JAKMIP1: variants seen among roughly 807,000 people sequenced by gnomAD.
The protein encoded by JAKMIP1 is janus kinase and microtubule interacting protein 1, also known as janus kinase and microtubule-interacting protein 1.
A neutral mutation model predicts 113.0 loss-of-function variants in JAKMIP1; 33 were observed. That is an observed-to-expected ratio of 0.29 (90% CI 0.22 to 0.39). The LOEUF is 0.39. Ranked by LOEUF, JAKMIP1 falls within the 10% of genes least tolerant of loss-of-function variation. The pLI is 1.00. For missense variants in JAKMIP1, 813 were observed against 1,080.5 expected, an observed-to-expected ratio of 0.75 and a Z score of 3.47; for synonymous variants, 480 against 459.9, an observed-to-expected ratio of 1.04 and a Z score of -0.56.
chr4:6,170,338 C>A (rs568256518), intron 1 of JAKMIP1, among the ~76,000 whole-genome samples: 4 of 149,144 alleles, frequency 2.7e-5, no homozygotes, highest in Admixed American at 2.7e-4. Flanking sequence ...CCACTCTCCC[C>A]ACCCTTCTCA....
At chr4:6,149,459 G>A (rs886969631) in intron 1 of JAKMIP1, among the ~76,000 whole-genome samples, 2 of 152,148 alleles carry the variant, frequency 1.3e-5, no homozygotes, top group Non-Finnish European at 2.9e-5. Flanking sequence ...TGGAGTCCCA[G>A]TGAAATCTAG....
In JAKMIP1 at chr4:6,069,247, GA is replaced by G. The variant is rs1305405991; in HGVS notation, c.1303-4240del. Among the ~76,000 whole-genome samples, 4 of 152,118 alleles carry G rather than the reference GA, an allele frequency of 2.6e-5. No homozygotes were observed. Among genetic ancestry groups the G allele is most frequent in the African/African-American group, 9.7e-5 (4 of 41,414 alleles). On this transcript the variant is annotated intron_variant, in intron 8 of 20. Transcript: ENST00000409021. This position sits in a 1 kb window ranked among gnomAD's most constrained non-coding sequence, Gnocchi z 4.5. ...TTTAAAAAAAATGGCAAACATGAAA[GA>G]AACTTCATTTTTTTGTGTCTCCACT... is the stretch of plus-strand genomic sequence containing the variant.
intron 3 of JAKMIP1, among the ~76,000 whole-genome samples, chr4:6,105,120 G>A (rs1261515700): frequency 6.6e-6 from 1 of 152,204 alleles, no homozygotes; most frequent in African/African-American, 2.4e-5. Flanking sequence ...CAGCCAGTTG[G>A]CCGGCCTGCC....
intron 1 of JAKMIP1, among the ~76,000 whole-genome samples, chr4:6,169,930 A>G (rs1306272043): frequency 1.3e-5 from 2 of 151,226 alleles, no homozygotes; most frequent in East Asian, 3.9e-4. Flanking sequence ...TTTTTCTACC[A>G]CCACCGATAC....
chr4:6,173,183 G>A (rs1233273643), intron 1 of JAKMIP1, among the ~76,000 whole-genome samples: 2 of 152,152 alleles, frequency 1.3e-5, no homozygotes, highest in Admixed American at 6.5e-5. Flanking sequence ...CTGGAGGGAT[G>A]GAGAGAAAGA....
In JAKMIP1 at chr4:6,121,995, C is replaced by T. The variant is rs934060494; in HGVS notation, c.-147-8998G>A. Among the ~76,000 whole-genome samples, 21 of 152,098 alleles carry T rather than the reference C, an allele frequency of 1.4e-4. No individual in the cohort carries two copies. In the East Asian group the frequency reaches 3.5e-3, roughly 25 times the overall value. ...GTGTATATATACTGCATATAATATACGCTGTATATATGTGCATTTGTAGGC... is the reference window on the plus strand; with the variant it reads ...GTGTATATATACTGCATATAATATATGCTGTATATATGTGCATTTGTAGGC... On this transcript the variant is annotated intron_variant, in intron 1 of 20. Transcript: ENST00000409021.
At chr4:6,054,641 G>A in intron 12 of JAKMIP1, 2 of 425,622 alleles carry the variant, frequency 4.7e-6, no homozygotes, top group South Asian at 3.3e-5. Flanking sequence ...AAGCCGTAAA[G>A]GCAGGAGTTC....
Position 6,153,838 on chromosome 4 carries a change from T to C in JAKMIP1, c.-147-40841A>G, listed in dbSNP as rs2108989434. 6.6e-6 allele frequency among the ~76,000 whole-genome samples: 1 copy of C among 152,194 alleles called. No individual in the cohort carries two copies. The highest frequency in any genetic ancestry group is 1.9e-4 in the East Asian group (1 of 5,200). On this transcript the variant is annotated intron_variant, in intron 1 of 20. Coordinates refer to ENST00000409021, the MANE Select transcript of JAKMIP1 (RefSeq NM_001099433.2). This position sits in a 1 kb window ranked among gnomAD's most constrained non-coding sequence, Gnocchi z 4.9. ...ACACTAAAGTATTATTAAAATAAATTATGTTTGGCTACTGTCACCTAAAAT... is the reference window on the plus strand; with the variant it reads ...ACACTAAAGTATTATTAAAATAAATCATGTTTGGCTACTGTCACCTAAAAT...
intron 16 of JAKMIP1, among the ~76,000 whole-genome samples, chr4:6,045,589 G>A (rs193036759): frequency 1.3e-5 from 2 of 152,304 alleles, no homozygotes; most frequent in East Asian, 1.9e-4. Flanking sequence ...AACTGGCTTC[G>A]AGGCTGGGTG....
chr4:6,191,340 G>A (rs567290533), intron 1 of JAKMIP1, among the ~76,000 whole-genome samples: 2 of 152,140 alleles, frequency 1.3e-5, no homozygotes, highest in African/African-American at 4.8e-5. Context: ...TGTCCCTCCT[G>A]AGGCCCTCAG....
intron 3 of JAKMIP1, among the ~76,000 whole-genome samples, chr4:6,098,162 G>A (rs904825315): frequency 3.3e-5 from 5 of 152,344 alleles, no homozygotes; most frequent in Admixed American, 3.3e-4. Flanking sequence ...CGCGTGCGGT[G>A]GCTCACGCCT....
Position 6,129,023 on chromosome 4 carries a change from T to C in JAKMIP1, c.-147-16026A>G, listed in dbSNP as rs927313289. 6.6e-6 allele frequency among the ~76,000 whole-genome samples: 1 copy of C among 152,224 alleles called. No individual in the cohort carries two copies. The highest frequency in any genetic ancestry group is 1.5e-5 in the Non-Finnish European group (1 of 68,032). ...GCTCCTTCCACACCATCAGGTTTAG[T>C]TGAATCTCCAGTACCAGGCAAGGTG... On this transcript the variant is annotated intron_variant, in intron 1 of 20. Transcript: ENST00000409021. This position sits in a 1 kb window ranked among gnomAD's most constrained non-coding sequence, Gnocchi z 5.4.
At chr4:6,085,302 G>GCGAA (rs1721135980) in intron 4 of JAKMIP1, 118 bp downstream of exon 4, 3 of 814,224 alleles carry the variant, frequency 3.7e-6, no homozygotes, top group Non-Finnish European at 5.7e-6. Flanking sequence ...CCAATACTGA[G>GCGAA]TGAATGAATG....
rs1726779504 is a variant in JAKMIP1 at position 6,187,494 on chromosome 4, A to G, written c.-148+12759T>C. ...AGCATTAGAAGGTGAGGCGTTTGGCAAGTGATTAGGTCACGAGGGCGAGCC... is the reference window on the plus strand; with the variant it reads ...AGCATTAGAAGGTGAGGCGTTTGGCGAGTGATTAGGTCACGAGGGCGAGCC... On this transcript the variant is annotated intron_variant, in intron 1 of 20. Transcript: ENST00000409021. The surrounding 1 kb of genome is among the most constrained non-coding windows in gnomAD (Gnocchi z 4.2). Among the ~76,000 whole-genome samples, 1 of 152,254 alleles carries G rather than the reference A, an allele frequency of 6.6e-6. No homozygotes were observed. The highest frequency in any genetic ancestry group is 1.5e-5 in the Non-Finnish European group (1 of 68,044).
rs1372849922 is a variant in JAKMIP1, at chr4:6,113,084, G to A, written c.-147-87C>T. 3 of 571,652 alleles carry A rather than the reference G, an allele frequency of 5.2e-6. No individual in the cohort carries two copies. The African/African-American group carries it at 5.7e-5, about 11-fold the overall frequency. The allele number at this position is 571,652 out of a possible 1,614,324, so 35.4% of individuals were successfully genotyped here. ...CTCGGGCACCCTGGGCCAGGCACCT[G>A]CCTCATCTGGAGCATGACCTGCCAC... On this transcript the variant is annotated intron_variant, in intron 1 of 20. Coordinates refer to ENST00000409021, the MANE Select transcript of JAKMIP1 (RefSeq NM_001099433.2).
rs1723960121 is a variant in JAKMIP1 at position 6,168,710 on chromosome 4, G to T, written c.-148+31543C>A. Among the ~76,000 whole-genome samples the T allele has an allele frequency of 6.6e-6, 1 of 151,656 alleles. No homozygotes were observed. The highest frequency in any genetic ancestry group is 1.5e-5 in the Non-Finnish European group (1 of 67,936). ...GTCCAAGACCAGCTTGGACAGGATG[G>T]CAAATCCATGTCTCTACAAAAAAAA... is the stretch of plus-strand genomic sequence containing the variant. On this transcript the variant is annotated intron_variant, in intron 1 of 20. Transcript: ENST00000409021. The surrounding 1 kb of genome is among the most constrained non-coding windows in gnomAD (Gnocchi z 4.6).
chr4:6,081,697 C>A lies in JAKMIP1; in HGVS notation c.1013G>T (p.Arg338Leu), dbSNP rs756138238. 3 of 1,614,044 alleles carry A rather than the reference C, an allele frequency of 1.9e-6. No individual in the cohort carries two copies. Among genetic ancestry groups the A allele is most frequent in the Admixed American group, 3.3e-5 (2 of 60,006 alleles). Residue 338 changes from arginine to leucine, a missense_variant, in exon 6 of 21, where the codon CGG (arginine) becomes CTG (leucine). This residue lies in a region of JAKMIP1 where 540 missense variants were observed against 653.9 expected (regional missense o/e 0.83). Transcript: ENST00000409021. The surrounding 1 kb of genome is among the most constrained non-coding windows in gnomAD (Gnocchi z 4.6). ...QLKPLVEKNKRMNKKNEDLLQ... is the reference protein window; with the variant it reads ...QLKPLVEKNKLMNKKNEDLLQ... ...CAGATCCTCATTCTTCTTGTTCATCCGCTTGTTCTTCTCCACCAGGGGCTT... is the reference window on the plus strand; with the variant it reads ...CAGATCCTCATTCTTCTTGTTCATCAGCTTGTTCTTCTCCACCAGGGGCTT...
intron 1 of JAKMIP1, among the ~76,000 whole-genome samples, chr4:6,174,837 C>T (rs1237995610): frequency 1.3e-5 from 2 of 151,954 alleles, no homozygotes; most frequent in Non-Finnish European, 2.9e-5. Context: ...TTCTGTCGCC[C>T]CAACTGTTTT....
At position 6,155,597 on chromosome 4, in the gene JAKMIP1, G is replaced by C. The variant is rs1170961107; in HGVS notation, c.-147-42600C>G. ...ACCTGATTTCCCCTAAAGAACTCAC[G>C]GAGGATTTACGCGCATATTCAGCTG... On this transcript the variant is annotated intron_variant, in intron 1 of 20. Transcript: ENST00000409021. This position sits in a 1 kb window ranked among gnomAD's most constrained non-coding sequence, Gnocchi z 6.1. 6.6e-6 allele frequency among the ~76,000 whole-genome samples: 1 copy of C among 152,168 alleles called. No homozygotes were observed. Among genetic ancestry groups the C allele is most frequent in the Admixed American group, 6.5e-5 (1 of 15,280 alleles).
Sources: allele counts gnomAD v4.1 joint callset (sites outside exome capture counted in the v4.1 genomes callset), GRCh38; gene constraint gnomAD v4.1.1; regional missense constraint gnomAD v4.1.1; non-coding constraint Gnocchi (gnomAD v3.1); transcripts MANE v1.5; gene names NCBI Gene and HGNC (gene_info 2026-07-23, HGNC 2026-07-21).